The following PRR11 variants were observed in gnomAD, a reference collection of about 807,000 sequenced individuals.
The protein encoded by PRR11 is proline-rich protein 11.
Under a neutral mutation model 45.6 loss-of-function variants are expected in PRR11, and 30 were observed. That is an observed-to-expected ratio of 0.66 (90% CI 0.49 to 0.89). The LOEUF (loss-of-function observed/expected upper bound fraction) is 0.89, where lower values mean the gene tolerates loss of function less well. Ranked by LOEUF, PRR11 falls within the 40% of genes least tolerant of loss-of-function variation. The pLI, the probability that PRR11 is intolerant of heterozygous loss-of-function variation, is 0.00. For synonymous variants in PRR11, 128 were observed against 153.5 expected (o/e 0.83, Z 1.23); for missense variants, 373 against 424.8 (o/e 0.88, Z 1.07).
chr17:59,180,386 C>G (rs1169739063), intron 2 of PRR11, among the ~76,000 whole-genome samples: 1 of 151,470 alleles, frequency 6.6e-6, no homozygotes, highest in East Asian at 1.9e-4. Flanking sequence ...CTGCCTTGGC[C>G]TCCCGAAGTG....
intron 4 of PRR11, among the ~76,000 whole-genome samples, chr17:59,189,145 CA>C (rs2046828663): frequency 6.7e-6 from 1 of 150,228 alleles, no homozygotes; most frequent in Non-Finnish European, 1.5e-5. Flanking sequence ...CTAAAAAACA[CA>C]AAAATTAGCT....
At chr17:59,177,370 T>G in intron 2 of PRR11, 1 of 525,356 alleles carries the variant, frequency 1.9e-6, no homozygotes, top group East Asian at 5.2e-5. Context: ...GGGACCTGAG[T>G]GTTGGGGTGA....
chr17:59,179,481 T>C (rs1274734091), intron 2 of PRR11, among the ~76,000 whole-genome samples: 1 of 152,108 alleles, frequency 6.6e-6, no homozygotes. Flanking sequence ...AATCCTAATC[T>C]TCTATCATCT....
At chr17:59,158,651 T>C (rs1256059008) in intron 1 of PRR11, among the ~76,000 whole-genome samples, 3 of 152,218 alleles carry the variant, frequency 2.0e-5, no homozygotes, top group Non-Finnish European at 4.4e-5. Flanking sequence ...TATTATACTA[T>C]TGTAAATTTT....
chr17:59,169,918 A>G lies in PRR11; in HGVS notation c.128+38A>G, dbSNP rs201613323. 1.7e-4 allele frequency: 274 copies of G among 1,574,058 alleles called. 1 individual carries two copies. The highest frequency in any genetic ancestry group is 4.1e-5 in the Admixed American group (2 of 48,256). On this transcript the variant is annotated intron_variant, in intron 2 of 9. Transcript: ENST00000262293. The stretch of plus-strand genomic sequence containing the variant: ...GTGGAACAGAAAAAATATTAGAGAG[A>G]TCTGATCAGTTTAAGATAGAGTTTC...
chr17:59,163,709 T>G (rs1042859677), intron 1 of PRR11: 2 of 152,190 alleles, frequency 1.3e-5, no homozygotes, highest in African/African-American at 4.8e-5. Flanking sequence ...CTAAGAATGA[T>G]TTATAACTTC....
chr17:59,196,446 G>A (rs546478621), intron 7 of PRR11, among the ~76,000 whole-genome samples: 59 of 151,892 alleles, frequency 3.9e-4, no homozygotes, highest in African/African-American at 1.4e-3. Flanking sequence ...ATGCAATATC[G>A]GCTCACAGCA....
intron 2 of PRR11, among the ~76,000 whole-genome samples, chr17:59,183,238 G>C (rs550831297): frequency 6.6e-6 from 1 of 152,270 alleles, no homozygotes; most frequent in African/African-American, 2.4e-5. Flanking sequence ...GCATCCATCT[G>C]TTCCCTGTCC....
intron 4 of PRR11, among the ~76,000 whole-genome samples, chr17:59,187,464 G>C (rs1016598960): frequency 6.6e-6 from 1 of 152,024 alleles, no homozygotes; most frequent in African/African-American, 2.4e-5. Flanking sequence ...CAGCTACTCG[G>C]ATGGCTGAGG....
chr17:59,185,041 GT>G lies in PRR11; in HGVS notation c.129-8del. The G allele has an allele frequency of 6.2e-7, 1 of 1,609,998 alleles. No homozygotes were observed. Among genetic ancestry groups the G allele is most frequent in the South Asian group, 1.1e-5 (1 of 90,936 alleles). ...AGGGGTTTTTTATTTGTTTCATTTTGTTTTTCCTACAGAGTCGGTATTTCTT... is the reference window on the plus strand; with the variant it reads ...AGGGGTTTTTTATTTGTTTCATTTTGTTTTCCTACAGAGTCGGTATTTCTT... On this transcript the variant is annotated splice_polypyrimidine_tract_variant and intron_variant, in intron 2 of 9. Transcript: ENST00000262293.
At chr17:59,192,411 C>T (rs952425454) in intron 4 of PRR11, among the ~76,000 whole-genome samples, 2 of 152,180 alleles carry the variant, frequency 1.3e-5, no homozygotes, top group African/African-American at 4.8e-5. Context: ...ACAGCAGGCA[C>T]AGGAAATTAA....
chr17:59,197,813 T>G, intron 9 of PRR11, 24 bp downstream of exon 9: 1 of 1,595,020 alleles, frequency 6.3e-7, no homozygotes, highest in South Asian at 1.1e-5. Flanking sequence ...AAAAGAATAT[T>G]GGTTCCTTTG....
At chr17:59,197,991 T>G in intron 9 of PRR11, 1 of 536,432 alleles carries the variant, frequency 1.9e-6, no homozygotes, top group Non-Finnish European at 3.3e-6. Flanking sequence ...GGTGCATGCC[T>G]GTAGTTCCAG....
chr17:59,174,916 C>G, intron 2 of PRR11: 2 of 1,093,354 alleles, frequency 1.8e-6, no homozygotes, highest in Admixed American at 3.6e-5. Context: ...TCCAGCCCAC[C>G]TGATTCCTCC....
At position 59,193,728 on chromosome 17, in the gene PRR11, A is replaced by G. The variant is rs1459806069; in HGVS notation, c.639A>G (p.Ala213=). The change falls in exon 5 of 10, where the codon GCA becomes GCG. Residue 213 remains alanine, a synonymous_variant. Coordinates refer to ENST00000262293, the MANE Select transcript of PRR11 (RefSeq NM_018304.4). ...VLLRKPSLAK[A]LQAGPLKKDG... ...TCAGAAAACCCAGTCTCGCTAAAGC[A>G]CTTCAGGTAGGTAACAATCTAGTAA... 3 of 1,613,610 alleles carry G rather than the reference A, an allele frequency of 1.9e-6. No homozygotes were observed. The highest frequency in any genetic ancestry group is 3.3e-5 in the Admixed American group (2 of 60,006).
intron 1 of PRR11, among the ~76,000 whole-genome samples, chr17:59,159,988 G>A (rs1363326194): frequency 3.3e-5 from 5 of 152,016 alleles, no homozygotes; most frequent in African/African-American, 9.7e-5. Context: ...TTGGAGGGCA[G>A]GAATGTGTCT....
rs773503911 is a variant in PRR11 at position 59,169,778 on chromosome 17, G to A, written c.26G>A (p.Arg9Gln). 1.4e-5 allele frequency: 23 copies of A among 1,599,468 alleles called. No individual in the cohort carries two copies. In the East Asian group the frequency reaches 2.0e-4, roughly 14 times the overall value. Residue 9 changes from arginine (R) to glutamine (Q), a missense_variant, in exon 2 of 10, where the codon CGA (arginine) becomes CAA (glutamine). Coordinates refer to ENST00000262293, the MANE Select transcript of PRR11 (RefSeq NM_018304.4). The stretch of plus-strand genomic sequence containing the variant: ...ATGCCCAAGTTCAAACAACGAAGAC[G>A]AAAGCTAAAAGCCAAAGCCGAAAGA... MPKFKQRRRKLKAKAERLF... is the reference protein window; with the variant it reads MPKFKQRRQKLKAKAERLF...
intron 9 of PRR11, chr17:59,198,014 CTG>C: frequency 1.9e-6 from 1 of 513,188 alleles, no homozygotes; most frequent in Non-Finnish European, 3.5e-6. Context: ...ACTTGGGAAG[CTG>C]TGTTGGAGGA....
At chr17:59,192,867 A>T (rs968698321) in intron 4 of PRR11, among the ~76,000 whole-genome samples, 2 of 152,148 alleles carry the variant, frequency 1.3e-5, no homozygotes, top group Non-Finnish European at 1.5e-5. Flanking sequence ...CCTTTGCTTT[A>T]TCAGTTTCTT....
Sources: allele counts gnomAD v4.1 joint callset (sites outside exome capture counted in the v4.1 genomes callset), GRCh38; gene constraint gnomAD v4.1.1; transcripts MANE v1.5; gene names NCBI Gene and HGNC (gene_info 2026-07-23, HGNC 2026-07-21).